CACNB4: variants seen among roughly 807,000 people sequenced by gnomAD.
CACNB4 encodes voltage-dependent L-type calcium channel subunit beta-4.
In CACNB4, 32 loss-of-function variants were observed where a neutral mutation model predicts 71.2. The observed-to-expected ratio is 0.45, with a 90% confidence interval of 0.34 to 0.60. The LOEUF is 0.60. Ranked by LOEUF, CACNB4 falls within the 20% of genes least tolerant of loss-of-function variation. The pLI is 0.01. For missense variants in CACNB4, 464 were observed against 647.9 expected, an observed-to-expected ratio of 0.72 and a Z score of 3.08; for synonymous variants, 231 against 236.9, an observed-to-expected ratio of 0.97 and a Z score of 0.23.
At chr2:151,870,474 A>G in intron 8 of CACNB4, 57 bp downstream of exon 8, 1 of 1,424,546 alleles carries the variant, frequency 7.0e-7, no homozygotes, top group Non-Finnish European at 9.8e-7. Context: ...AAGCGTCAAC[A>G]TGACTGTCTC....
At chr2:151,936,025 C>T (rs993901397) in intron 2 of CACNB4, among the ~76,000 whole-genome samples, 4 of 152,084 alleles carry the variant, frequency 2.6e-5, no homozygotes, top group Middle Eastern at 3.4e-3. Context: ...TTAAACCAGC[C>T]GTCAAAAACA....
rs78108512 is a variant in CACNB4, at chr2:151,848,651, T to A, written c.1116+4797A>T. 4.4e-3 allele frequency among the ~76,000 whole-genome samples: 665 copies of A among 152,324 alleles called. 12 individuals are homozygous for A. The East Asian group carries it at 0.064, about 15-fold the overall frequency. On this transcript the variant is annotated intron_variant, in intron 12 of 13. Coordinates refer to ENST00000539935, the MANE Select transcript of CACNB4 (RefSeq NM_000726.5). ...GTAACATTAGAGGTTTGCAAGACTC[T>A]ACTGAGGAGATGAGTTCCCCTCTCC...
intron 2 of CACNB4, among the ~76,000 whole-genome samples, chr2:151,915,370 C>T (rs539188090): frequency 2.6e-5 from 4 of 152,308 alleles, no homozygotes; most frequent in Middle Eastern, 3.4e-3. Flanking sequence ...AAATGGGTGC[C>T]GCCCTTCCCC....
chr2:151,898,558 C>T (rs144197408), intron 2 of CACNB4, among the ~76,000 whole-genome samples: 24 of 152,300 alleles, frequency 1.6e-4, no homozygotes, highest in African/African-American at 5.8e-4. Context: ...CCAAAGGATG[C>T]CCTTTTGTTG....
At chr2:151,991,157 A>C (rs1024220793) in intron 2 of CACNB4, among the ~76,000 whole-genome samples, 2 of 152,186 alleles carry the variant, frequency 1.3e-5, no homozygotes, top group African/African-American at 4.8e-5. Flanking sequence ...AGCAGTGATG[A>C]ACTCTCTTTA....
intron 2 of CACNB4, among the ~76,000 whole-genome samples, chr2:151,978,324 T>A (rs1030409615): frequency 1.3e-5 from 2 of 152,186 alleles, no homozygotes; most frequent in East Asian, 3.9e-4. Flanking sequence ...TTGGCCTTTT[T>A]AATTTTTTTA....
chr2:152,050,245 C>T (rs1434253472), intron 2 of CACNB4, among the ~76,000 whole-genome samples: 1 of 152,218 alleles, frequency 6.6e-6, no homozygotes, highest in Admixed American at 6.5e-5. Context: ...CTCACTTTGC[C>T]TTCCATCCTT....
intron 12 of CACNB4, among the ~76,000 whole-genome samples, chr2:151,846,556 T>C (rs541811780): frequency 4.1e-4 from 62 of 152,250 alleles, no homozygotes; most frequent in African/African-American, 1.4e-3. Context: ...TTGTTTTGTT[T>C]TGTTTTGTTT....
rs1357348048 is a variant in CACNB4, at chr2:151,834,101, C to CA, written c.*5017dup. On this transcript the variant is annotated 3_prime_UTR_variant, in exon 14 of 14. Transcript: ENST00000539935. ...AGGGTGGCCCCTACATAAATATAGA[C>CA]ATAGCCATTTGTTGAGAAATTTAAG... 1 of 152,032 alleles carries CA rather than the reference C, an allele frequency of 6.6e-6. No individual in the cohort carries two copies. The highest frequency in any genetic ancestry group is 1.9e-4 in the East Asian group (1 of 5,190). 9.4% of individuals were successfully genotyped at this position (152,032 alleles called of 1,614,324 possible).
intron 2 of CACNB4, chr2:151,969,440 A>G (rs750813672): frequency 3.3e-5 from 5 of 152,180 alleles, no homozygotes; most frequent in African/African-American, 4.8e-5. Flanking sequence ...TAACTTTACT[A>G]TATCTTTGAA....
chr2:151,908,473 T>C (rs999225973), intron 2 of CACNB4, among the ~76,000 whole-genome samples: 1 of 152,112 alleles, frequency 6.6e-6, no homozygotes, highest in Non-Finnish European at 1.5e-5. Context: ...TTAGCTAAGG[T>C]ACCTTCCTGG....
At chr2:152,016,663 C>T (rs1560134599) in intron 2 of CACNB4, among the ~76,000 whole-genome samples, 1 of 152,218 alleles carries the variant, frequency 6.6e-6, no homozygotes, top group Non-Finnish European at 1.5e-5. Flanking sequence ...AGCCAGGTCA[C>T]GATACATCAC....
At chr2:151,971,086 A>T in intron 2 of CACNB4, 1 of 175,032 alleles carries the variant, frequency 5.7e-6, no homozygotes, top group South Asian at 1.4e-4. Context: ...TATGTGAAAC[A>T]CGGAGGTTAC....
intron 2 of CACNB4, among the ~76,000 whole-genome samples, chr2:151,919,647 C>T (rs1462583203): frequency 6.6e-6 from 1 of 152,146 alleles, no homozygotes; most frequent in Non-Finnish European, 1.5e-5. Flanking sequence ...TACTTAGGCT[C>T]CTCACTGCCT....
At chr2:152,068,257 C>A (rs945246602) in intron 2 of CACNB4, among the ~76,000 whole-genome samples, 2 of 152,140 alleles carry the variant, frequency 1.3e-5, no homozygotes, top group African/African-American at 4.8e-5. Context: ...CTTCCTCTTG[C>A]TAGAGGAGAG....
intron 2 of CACNB4, among the ~76,000 whole-genome samples, chr2:152,035,528 C>T (rs1017744298): frequency 6.6e-6 from 1 of 151,984 alleles, no homozygotes; most frequent in African/African-American, 2.4e-5. Flanking sequence ...CCATTGCACT[C>T]CAGCCTGGGC....
chr2:151,941,919 A>G lies in CACNB4; in HGVS notation c.148-58549T>C, dbSNP rs115853039. ...TGATTGTAAATAAAAAATGAAAAAA[A>G]GAGAGCCTTTAGACAGAAAGGATGA... On this transcript the variant is annotated intron_variant, in intron 2 of 13. Transcript: ENST00000539935. Among the ~76,000 whole-genome samples the G allele has an allele frequency of 2.3e-3, 348 of 152,356 alleles. 2 individuals carry two copies. Among genetic ancestry groups the G allele is most frequent in the African/African-American group, 8.0e-3 (332 of 41,584 alleles).
intron 2 of CACNB4, among the ~76,000 whole-genome samples, chr2:152,039,796 G>T (rs1032382039): frequency 3.9e-5 from 6 of 152,222 alleles, no homozygotes. Flanking sequence ...TAAGTCCTCA[G>T]AAACATAGTC....
At chr2:152,034,376 G>T (rs1302031281) in intron 2 of CACNB4, among the ~76,000 whole-genome samples, 1 of 152,114 alleles carries the variant, frequency 6.6e-6, no homozygotes, top group Non-Finnish European at 1.5e-5. Context: ...TCTCCATTAG[G>T]GCCCTCACAC....
Sources: gnomAD v4.1 joint callset for allele counts (sites outside exome capture counted in the v4.1 genomes callset) on GRCh38, gnomAD v4.1.1 for gene constraint, MANE v1.5 for transcripts, NCBI Gene and HGNC (gene_info 2026-07-23, HGNC 2026-07-21) for gene names.